RELL1: variants seen among roughly 807,000 people sequenced by gnomAD.
RELL1 encodes RELT-like protein 1.
A neutral mutation model predicts 23.0 loss-of-function variants in RELL1; 10 were observed. The observed-to-expected ratio is 0.43, with a 90% CI of 0.27 to 0.74. The LOEUF (loss-of-function observed/expected upper bound fraction) is 0.74, where lower values mean the gene tolerates loss of function less well. Ranked by LOEUF, RELL1 falls within the 30% of genes least tolerant of loss-of-function variation. RELL1 has a pLI of 0.19. For missense variants in RELL1, 315 were observed against 364.4 expected (o/e 0.86, Z 1.10); for synonymous variants, 146 against 146.8 (o/e 0.99, Z 0.04).
rs1719359675 is a variant in RELL1, at chr4:37,611,075, A to C, written c.*2271T>G. On this transcript the variant is annotated 3_prime_UTR_variant, in exon 7 of 7. Coordinates refer to ENST00000454158, the MANE Select transcript of RELL1 (RefSeq NM_001085400.2). ...ATCAATACAGTTTTAAATATTTTTGAGTATTCTCTTGCCTGTTGTATTGCT... is the reference window on the plus strand; with the variant it reads ...ATCAATACAGTTTTAAATATTTTTGCGTATTCTCTTGCCTGTTGTATTGCT... 6.6e-6 allele frequency among the ~76,000 whole-genome samples: 1 copy of C among 152,174 alleles called. No individual in the cohort carries two copies. The highest frequency in any genetic ancestry group is 2.4e-5 in the African/African-American group (1 of 41,488).
At chr4:37,604,329 G>A (rs1007246464) in intron 6 of RELL1, among the ~76,000 whole-genome samples, 10 of 151,450 alleles carry the variant, frequency 6.6e-5, no homozygotes, top group Admixed American at 2.0e-4. Context: ...TAAGCCCGTC[G>A]TCCCCAAGTG....
At chr4:37,591,894 A>G (rs539051130) in intron 6 of RELL1, 1 of 152,284 alleles carries the variant, frequency 6.6e-6, no homozygotes, top group Admixed American at 6.5e-5. Flanking sequence ...GTGACCCTGG[A>G]TGTTACTTTC....
chr4:37,601,772 A>G (rs529944552), intron 6 of RELL1, among the ~76,000 whole-genome samples: 61 of 152,290 alleles, frequency 4.0e-4, no homozygotes, highest in African/African-American at 1.4e-3. Flanking sequence ...TTCTGCAAAT[A>G]ACTGCATTAG....
chr4:37,651,076 A>T (rs13140564), intron 1 of RELL1, among the ~76,000 whole-genome samples: 51,189 of 149,570 alleles, frequency 0.34, 8,901 homozygotes, highest in Middle Eastern at 0.38. Flanking sequence ...AAAAAAAAAA[A>T]TTAAATTAAA....
intron 3 of RELL1, among the ~76,000 whole-genome samples, chr4:37,641,540 G>A (rs1386172211): frequency 2.6e-5 from 4 of 152,128 alleles, no homozygotes; most frequent in African/African-American, 4.8e-5. Context: ...CACACTTGCC[G>A]GCATTTTGTC....
At chr4:37,686,157 C>T in intron 1 of RELL1, 43 bp downstream of exon 1, 1 of 1,513,198 alleles carries the variant, frequency 6.6e-7, no homozygotes, top group East Asian at 2.5e-5. Flanking sequence ...GCTCCCGGGA[C>T]CGGGCTCAGC....
chr4:37,596,707 G>A (rs1182794620), intron 6 of RELL1, among the ~76,000 whole-genome samples: 1 of 53,546 alleles, frequency 1.9e-5, no homozygotes, highest in Non-Finnish European at 3.2e-5. Context: ...GACAAAACTG[G>A]GCATATATAT....
At chr4:37,608,561 T>TA (rs1719290387), downstream of RELL1, among the ~76,000 whole-genome samples, 1 of 151,594 alleles carries the variant, frequency 6.6e-6, no homozygotes, top group Non-Finnish European at 1.5e-5. Flanking sequence ...CTGAAAGAAG[T>TA]GAGGAAGCTG....
At position 37,637,485 on chromosome 4, in the gene RELL1, G is replaced by T. The variant is rs375960410; in HGVS notation, c.443+962C>A. Among the ~76,000 whole-genome samples, 86 of 152,296 alleles carry T rather than the reference G, an allele frequency of 5.6e-4. 2 individuals carry two copies. The South Asian group carries it at 0.016, about 28-fold the overall frequency. On this transcript the variant is annotated intron_variant, in intron 4 of 6. Transcript: ENST00000454158. ...TTTTCTTCTGGCCCTTCTTCCTACA[G>T]CCAGCCCTGACTCTTGTCTCCACCT... is the stretch of plus-strand genomic sequence containing the variant.
intron 3 of RELL1, among the ~76,000 whole-genome samples, chr4:37,640,211 T>C (rs1720479763): frequency 6.6e-6 from 1 of 152,246 alleles, no homozygotes; most frequent in Non-Finnish European, 1.5e-5. Context: ...AAAGAAATAC[T>C]TTACCCTTCA....
chr4:37,649,880 T>C (rs910245400), intron 1 of RELL1, among the ~76,000 whole-genome samples: 1 of 152,186 alleles, frequency 6.6e-6, no homozygotes, highest in African/African-American at 2.4e-5. Flanking sequence ...TTACAAATAT[T>C]ACATAAACAC....
At chr4:37,628,492 G>C (rs1720025216) in intron 6 of RELL1, among the ~76,000 whole-genome samples, 1 of 152,110 alleles carries the variant, frequency 6.6e-6, no homozygotes, top group Non-Finnish European at 1.5e-5. Flanking sequence ...ATGGATCATG[G>C]ACATCCATGA....
chr4:37,590,709 G>A, downstream of RELL1: 1 of 1,614,162 alleles, frequency 6.2e-7, no homozygotes, highest in Non-Finnish European at 8.5e-7. Context: ...AATCCCTAGA[G>A]GGAATTCAGC....
At chr4:37,618,542 C>T (rs1277360519) in intron 6 of RELL1, among the ~76,000 whole-genome samples, 1 of 152,028 alleles carries the variant, frequency 6.6e-6, no homozygotes, top group East Asian at 1.9e-4. Context: ...CCAGCATCTA[C>T]TTCAATCTTT....
chr4:37,657,257 G>A (rs1181605372), intron 1 of RELL1, among the ~76,000 whole-genome samples: 3 of 152,186 alleles, frequency 2.0e-5, no homozygotes, highest in Non-Finnish European at 4.4e-5. Flanking sequence ...TGGCCTTGCT[G>A]GAGCAGTTTT....
chr4:37,600,912 T>C lies in RELL1; in HGVS notation c.*4-9695A>G, dbSNP rs370532234. Among the ~76,000 whole-genome samples, 5 of 152,332 alleles carry C rather than the reference T, an allele frequency of 3.3e-5. No homozygotes were observed. In the East Asian group the frequency reaches 7.7e-4, roughly 23 times the overall value. On this transcript the variant is annotated intron_variant, in intron 6 of 6. Transcript: ENST00000314117. ...TATGATTTCAAGAGTATTTTGTCTA[T>C]GATTTCTCAGCTAGATTAACTTAGG... is the stretch of plus-strand genomic sequence containing the variant.
At chr4:37,659,693 T>C (rs1721250920) in intron 1 of RELL1, among the ~76,000 whole-genome samples, 1 of 152,160 alleles carries the variant, frequency 6.6e-6, no homozygotes, top group African/African-American at 2.4e-5. Context: ...ATGTCCTTCA[T>C]GGTTCTCAGA....
chr4:37,674,616 G>A (rs1353992301), intron 1 of RELL1, among the ~76,000 whole-genome samples: 1 of 152,226 alleles, frequency 6.6e-6, no homozygotes, highest in Non-Finnish European at 1.5e-5. Flanking sequence ...CTTCACCAAT[G>A]CCAGGAAATT....
chr4:37,614,242 T>C (rs1459335295), intron 6 of RELL1, among the ~76,000 whole-genome samples: 1 of 152,216 alleles, frequency 6.6e-6, no homozygotes, highest in African/African-American at 2.4e-5. Flanking sequence ...CTTCTGTCAT[T>C]TGGTCATCCA....
Sources: gnomAD v4.1 joint callset for allele counts (sites outside exome capture counted in the v4.1 genomes callset) on GRCh38, gnomAD v4.1.1 for gene constraint, MANE v1.5 for transcripts, NCBI Gene and HGNC (gene_info 2026-07-23, HGNC 2026-07-21) for gene names.